ITIH3: variants seen among roughly 807,000 people sequenced by gnomAD.
ITIH3 encodes inter-alpha-trypsin inhibitor heavy chain 3, also known as inter-alpha-trypsin inhibitor heavy chain H3.
A neutral mutation model predicts 96.5 loss-of-function variants in ITIH3; 81 were observed. That is an observed-to-expected ratio of 0.84 (90% CI 0.70 to 1.01). ITIH3 has a LOEUF of 1.01. Ranked by LOEUF, ITIH3 falls within the 50% of genes least tolerant of loss-of-function variation. The pLI is 0.00. For synonymous variants in ITIH3, 422 were observed against 445.2 expected (o/e 0.95, Z 0.66); for missense variants, 1,057 against 1,139.3 (o/e 0.93, Z 1.04).
chr3:52,799,097 C>T lies in ITIH3; in HGVS notation c.789+6C>T, dbSNP rs377455879. ...AATCTCCTGGCAACGTGCAGGTACC[C>T]GGGCTGGCTGATTCATCATCAGGGT... is the stretch of plus-strand genomic sequence containing the variant. On this transcript the variant is annotated splice_donor_region_variant and intron_variant, in intron 7 of 21. Coordinates refer to ENST00000449956, the MANE Select transcript of ITIH3 (RefSeq NM_002217.4). 53 of 1,612,938 alleles carry T rather than the reference C, an allele frequency of 3.3e-5. No individual in the cohort carries two copies. Among genetic ancestry groups the T allele is most frequent in the African/African-American group, 2.4e-4 (18 of 74,918 alleles).
chr3:52,802,347 A>T lies in ITIH3; in HGVS notation c.1397A>T (p.Glu466Val), dbSNP rs771684621. 6 of 1,613,682 alleles carry T rather than the reference A, an allele frequency of 3.7e-6. No individual in the cohort carries two copies. The highest frequency in any genetic ancestry group is 4.2e-6 in the Non-Finnish European group (5 of 1,179,846). The change falls in exon 12 of 22, where the codon GAG (glutamate) becomes GTG (valine). Residue 466 changes from glutamate (E) to valine (V), a missense_variant. Coordinates refer to ENST00000449956, the MANE Select transcript of ITIH3 (RefSeq NM_002217.4). ...TGCGAACTTCAGGGCTTCTATGAGG[A>T]GGTGGCCAACCCACTGCTGACGGGT... ...ADLQLQGFYE[E>V]VANPLLTGVE... is the part of the protein sequence containing the mutation.
rs1207043226 is a variant in ITIH3 at position 52,795,607 on chromosome 3, G to A, written c.98G>A (p.Arg33Gln). The A allele has an allele frequency of 4.3e-6, 7 of 1,612,222 alleles. No individual in the cohort carries two copies. The highest frequency in any genetic ancestry group is 5.1e-6 in the Non-Finnish European group (6 of 1,179,214). ...PRSPFRLLGKRSLPEGVANGI... is the reference protein window; with the variant it reads ...PRSPFRLLGKQSLPEGVANGI... ...TGTTTGTTTTTGTTTTTTCAGAAAC[G>A]GAGCCTCCCGGAAGGGGTAAGAACT... is the stretch of plus-strand genomic sequence containing the variant. Residue 33 changes from arginine to glutamine, a missense_variant, in exon 2 of 22, where the codon CGG becomes CAG. Coordinates refer to ENST00000449956, the MANE Select transcript of ITIH3 (RefSeq NM_002217.4).
rs1699813547 is a variant in ITIH3 at position 52,801,070 on chromosome 3, T to G, written c.1307T>G (p.Leu436Arg). 4 of 1,612,588 alleles carry G rather than the reference T, an allele frequency of 2.5e-6. No homozygotes were observed. Among genetic ancestry groups the G allele is most frequent in the Non-Finnish European group, 3.4e-6 (4 of 1,179,156 alleles). The change falls in exon 11 of 22, where the codon CTG becomes CGG. Residue 436 changes from leucine (L) to arginine (R), a missense_variant. By Grantham distance (102) the Leu-to-Arg change is moderately radical. Coordinates refer to ENST00000449956, the MANE Select transcript of ITIH3 (RefSeq NM_002217.4). Reference sequence around the variant, plus strand: ...GGCAACAATCTGAATTATAACTTCCTGGAGAACATGGCCCTGGAGAACCAT... The same window carrying G: ...GGCAACAATCTGAATTATAACTTCCGGGAGAACATGGCCCTGGAGAACCAT... ...GFGNNLNYNF[L>R]ENMALENHGF...
At chr3:52,803,263 T>C (rs1699902652) in intron 13 of ITIH3, among the ~76,000 whole-genome samples, 1 of 136,050 alleles carries the variant, frequency 7.4e-6, no homozygotes, top group African/African-American at 2.6e-5. Flanking sequence ...TTGTAGCCCC[T>C]TATTTTATTT....
At chr3:52,808,030 G>C in intron 20 of ITIH3, 80 bp from the exon 21 acceptor site, 3 of 1,575,132 alleles carry the variant, frequency 1.9e-6, no homozygotes, top group Admixed American at 3.4e-5. Context: ...TTCAGCCTTT[G>C]CATCAACCCT....
intron 19 of ITIH3, 102 bp downstream of exon 19, chr3:52,807,207 T>A: frequency 9.7e-7 from 1 of 1,035,740 alleles, no homozygotes; most frequent in South Asian, 1.6e-5. Flanking sequence ...TCCATGGGGG[T>A]CACAGGAAAG....
rs1208661535 is a variant in ITIH3, at chr3:52,799,408, C to G, written c.826C>G (p.Gln276Glu). 22 of 1,611,018 alleles carry G rather than the reference C, an allele frequency of 1.4e-5. No individual in the cohort carries two copies. Among genetic ancestry groups the G allele is most frequent in the Non-Finnish European group, 1.7e-5 (20 of 1,178,808 alleles). ...CTACTTCGTGCACTTCTTTGCACCT[C>G]AAGGCCTTCCAGTGGTGCCTAAGAA... ...NGYFVHFFAP[Q>E]GLPVVPKNVA... Residue 276 changes from glutamine to glutamate, a missense_variant, in exon 8 of 22, where the codon CAA becomes GAA. Physicochemically the swap from Gln to Glu is conservative, Grantham distance 29. Transcript: ENST00000449956.
intron 15 of ITIH3, chr3:52,805,495 G>A: frequency 5.1e-6 from 6 of 1,171,404 alleles, no homozygotes; most frequent in Non-Finnish European, 6.4e-6. Flanking sequence ...GGGGTGGGAA[G>A]CCCAGGGGTG....
intron 11 of ITIH3, among the ~76,000 whole-genome samples, chr3:52,801,888 T>C (rs187091133): frequency 4.8e-4 from 73 of 152,332 alleles, no homozygotes; most frequent in Non-Finnish European, 8.5e-4. Flanking sequence ...AGCAATTTTG[T>C]TCCTTCTCTA....
At chr3:52,807,433 T>C (rs1230089954) in intron 19 of ITIH3, among the ~76,000 whole-genome samples, 1 of 152,176 alleles carries the variant, frequency 6.6e-6, no homozygotes, top group Non-Finnish European at 1.5e-5. Flanking sequence ...AGCCTCCCAC[T>C]GAGGCTCAGA....
intron 19 of ITIH3, 67 bp from the exon 20 acceptor site, chr3:52,807,680 C>A: frequency 6.6e-7 from 1 of 1,519,576 alleles, no homozygotes; most frequent in Non-Finnish European, 8.9e-7. Flanking sequence ...ACCAAAACGC[C>A]CTTGAGTCAG....
In ITIH3 at chr3:52,799,432, A is replaced by G; in HGVS notation, c.850A>G (p.Asn284Asp). ...APQGLPVVPK[N>D]VAFVIDISGS... ...TCAAGGCCTTCCAGTGGTGCCTAAG[A>G]ACGTGGCCTTTGTGATTGACATCAG... is the stretch of plus-strand genomic sequence containing the variant. Residue 284 changes from asparagine to aspartate, a missense_variant, in exon 8 of 22, where the codon AAC (asparagine) becomes GAC (aspartate). Transcript: ENST00000449956. 1 of 1,612,802 alleles carries G rather than the reference A, an allele frequency of 6.2e-7. No homozygotes were observed. Among genetic ancestry groups the G allele is most frequent in the Non-Finnish European group, 8.5e-7 (1 of 1,179,466 alleles).
Position 52,802,794 on chromosome 3 carries a change from T to C in ITIH3, c.1697T>C (p.Leu566Pro), listed in dbSNP as rs1270041288. The change falls in exon 13 of 22, where the codon CTG becomes CCG. Residue 566 changes from leucine to proline, a missense_variant. Coordinates refer to ENST00000449956, the MANE Select transcript of ITIH3 (RefSeq NM_002217.4). Reference protein sequence around the residue: ...RLWAYLTIEQLLEKRKNAHGE... With the variant: ...RLWAYLTIEQPLEKRKNAHGE... The stretch of plus-strand genomic sequence containing the variant: ...TGGGCCTACCTCACCATTGAGCAGC[T>C]GCTGGAGAAGCGGTGAGCAGAGTCC... 1 of 1,613,982 alleles carries C rather than the reference T, an allele frequency of 6.2e-7. No individual in the cohort carries two copies. The highest frequency in any genetic ancestry group is 8.5e-7 in the Non-Finnish European group (1 of 1,179,860).
chr3:52,805,410 C>A, intron 15 of ITIH3: 1 of 1,054,672 alleles, frequency 9.5e-7, no homozygotes. Flanking sequence ...TATGTGTGCG[C>A]CTGTGTGCAC....
Position 52,799,353 on chromosome 3 carries a change from C to A in ITIH3, c.790-19C>A, listed in dbSNP as rs1699722098. On this transcript the variant is annotated intron_variant, in intron 7 of 21. Transcript: ENST00000449956. ...TTGCTAAAAGGACACCGGCCTCCGT[C>A]CCTCTCCCCACTTTCCAGATAGTCA... The A allele has an allele frequency of 1.3e-6, 2 of 1,553,016 alleles. No individual in the cohort carries two copies. Among genetic ancestry groups the A allele is most frequent in the Non-Finnish European group, 1.8e-6 (2 of 1,140,986 alleles).
intron 6 of ITIH3, among the ~76,000 whole-genome samples, chr3:52,798,322 A>G (rs1699674270): frequency 6.6e-6 from 1 of 152,220 alleles, no homozygotes; most frequent in Non-Finnish European, 1.5e-5. Context: ...GGTTGACTCC[A>G]GTCCCCAAGG....
At position 52,802,853 on chromosome 3, in the gene ITIH3, C is replaced by T. The variant is rs776068925; in HGVS notation, c.1709+47C>T. 4.4e-6 allele frequency: 7 copies of T among 1,606,230 alleles called. No individual in the cohort carries two copies. In the Admixed American group the frequency reaches 1.0e-4, roughly 23 times the overall value. ...ACCTGTGCCTACCCCTGGCTGGGCTCCAATGCAAGGGCACCCCCATACGCA... is the reference window on the plus strand; with the variant it reads ...ACCTGTGCCTACCCCTGGCTGGGCTTCAATGCAAGGGCACCCCCATACGCA... On this transcript the variant is annotated intron_variant, in intron 13 of 21. Transcript: ENST00000449956.
Position 52,795,589 on chromosome 3 carries a change from T to G in ITIH3, c.94-14T>G, listed in dbSNP as rs769515169. The G allele has an allele frequency of 1.2e-6, 2 of 1,610,308 alleles. No homozygotes were observed. Among genetic ancestry groups the G allele is most frequent in the Admixed American group, 1.7e-5 (1 of 59,470 alleles). On this transcript the variant is annotated splice_polypyrimidine_tract_variant and intron_variant, in intron 1 of 21. Coordinates refer to ENST00000449956, the MANE Select transcript of ITIH3 (RefSeq NM_002217.4). ...GCCTGATTCCTGTGTTTGTGTTTGT[T>G]TTTGTTTTTTCAGAAACGGAGCCTC...
At chr3:52,803,201 C>A (rs1351837815) in intron 13 of ITIH3, among the ~76,000 whole-genome samples, 1 of 152,206 alleles carries the variant, frequency 6.6e-6, no homozygotes, top group Non-Finnish European at 1.5e-5. Flanking sequence ...CGTTAGTACA[C>A]AATCTAGCAC....
Sources: gnomAD v4.1 joint callset for allele counts (sites outside exome capture counted in the v4.1 genomes callset) on GRCh38, gnomAD v4.1.1 for gene constraint, MANE v1.5 for transcripts, NCBI Gene and HGNC (gene_info 2026-07-23, HGNC 2026-07-21) for gene names.